The following EIF3L variants were observed in gnomAD, a reference collection of about 807,000 sequenced individuals.
EIF3L encodes eIEF associated protein HSPC021.
A neutral mutation model predicts 74.6 loss-of-function variants in EIF3L; 32 were observed. That is an observed-to-expected ratio of 0.43 (90% CI 0.32 to 0.58). The LOEUF is 0.58. Ranked by LOEUF, EIF3L falls within the 20% of genes least tolerant of loss-of-function variation. The pLI, the probability that EIF3L is intolerant of heterozygous loss-of-function variation, is 0.06. For missense variants in EIF3L, 474 were observed against 707.8 expected, an observed-to-expected ratio of 0.67 and a Z score of 3.75; for synonymous variants, 256 against 254.4, an observed-to-expected ratio of 1.01 and a Z score of -0.06.
intron 7 of EIF3L, 84 bp from the exon 8 acceptor site, chr22:37,870,092 C>G: frequency 4.7e-6 from 6 of 1,267,692 alleles, no homozygotes; most frequent in Non-Finnish European, 6.5e-6. Flanking sequence ...AGAGCCAGAG[C>G]ATTGCCTCGT....
intron 7 of EIF3L, among the ~76,000 whole-genome samples, chr22:37,868,777 G>A (rs1926318007): frequency 6.6e-6 from 1 of 151,362 alleles, no homozygotes; most frequent in Admixed American, 6.6e-5. Context: ...CGAGTAGCTG[G>A]GATTACAGGC....
At position 37,858,131 on chromosome 22, in the gene EIF3L, A is replaced by G. The variant is rs548082428; in HGVS notation, c.374-548A>G. Among the ~76,000 whole-genome samples the G allele has an allele frequency of 4.0e-5, 6 of 151,790 alleles. No homozygotes were observed. The East Asian group carries it at 1.2e-3, about 30-fold the overall frequency. On this transcript the variant is annotated intron_variant, in intron 4 of 12. Coordinates refer to ENST00000652021, the MANE Select transcript of EIF3L (RefSeq NM_016091.4). Reference sequence around the variant, plus strand: ...GTCGAGGCTGCAGTGAGCCATGATCATATCACTGCACTCCAACCTTGGCAA... The same window carrying G: ...GTCGAGGCTGCAGTGAGCCATGATCGTATCACTGCACTCCAACCTTGGCAA...
chr22:37,852,199 C>T (rs1339213449), intron 3 of EIF3L, among the ~76,000 whole-genome samples: 3 of 152,026 alleles, frequency 2.0e-5, no homozygotes, highest in Non-Finnish European at 1.5e-5. Flanking sequence ...TTTTTATTAC[C>T]AGGATAGATC....
intron 3 of EIF3L, among the ~76,000 whole-genome samples, chr22:37,855,143 A>G (rs1925431645): frequency 6.6e-6 from 1 of 152,136 alleles, no homozygotes; most frequent in Non-Finnish European, 1.5e-5. Flanking sequence ...TTTAAATTGG[A>G]TGCTGTAGGT....
chr22:37,878,999 A>G (rs1350584295), intron 11 of EIF3L: 1 of 137,522 alleles, frequency 7.3e-6, no homozygotes, highest in Non-Finnish European at 1.6e-5. Flanking sequence ...GCTAGAGTGC[A>G]GTGGTGCAAT....
intron 8 of EIF3L, 113 bp downstream of exon 8, chr22:37,870,460 T>C (rs1926411016): frequency 9.2e-7 from 1 of 1,086,370 alleles, no homozygotes; most frequent in Non-Finnish European, 1.3e-6. Context: ...TCTTAGGTGG[T>C]GGTCTGTTGA....
chr22:37,863,769 TAA>T (rs1185602032), intron 7 of EIF3L, among the ~76,000 whole-genome samples: 5 of 151,996 alleles, frequency 3.3e-5, no homozygotes, highest in Non-Finnish European at 5.9e-5. Flanking sequence ...TTTTTTTTTT[TAA>T]GAGTCAGGGT....
rs367756277 is a variant in EIF3L, at chr22:37,888,488, C to T, written c.*24C>T. ...GATGATATTCACACACATTCAGGAA[C>T]CTGTTTTGATGTATTATAGGCAGGA... is the stretch of plus-strand genomic sequence containing the variant. On this transcript the variant is annotated 3_prime_UTR_variant, in exon 13 of 13. Transcript: ENST00000652021. 2 of 1,612,510 alleles carry T rather than the reference C, an allele frequency of 1.2e-6. No individual in the cohort carries two copies. The highest frequency in any genetic ancestry group is 8.5e-7 in the Non-Finnish European group (1 of 1,179,540).
At chr22:37,854,528 C>T (rs1361234107) in intron 3 of EIF3L, among the ~76,000 whole-genome samples, 1 of 152,154 alleles carries the variant, frequency 6.6e-6, no homozygotes, top group South Asian at 2.1e-4. Flanking sequence ...AGTGCAATGG[C>T]GCAATCTCAG....
chr22:37,861,376 C>T (rs1925846851), intron 5 of EIF3L, among the ~76,000 whole-genome samples: 1 of 152,086 alleles, frequency 6.6e-6, no homozygotes, highest in Non-Finnish European at 1.5e-5. Flanking sequence ...TCTCTGACTA[C>T]TTTATCTGAT....
At chr22:37,866,305 C>A (rs1380179670) in intron 7 of EIF3L, among the ~76,000 whole-genome samples, 2 of 152,150 alleles carry the variant, frequency 1.3e-5, no homozygotes, top group African/African-American at 2.4e-5. Flanking sequence ...TATGGATATA[C>A]CATGCCTCTG....
chr22:37,874,214 C>T (rs565538287), intron 8 of EIF3L, among the ~76,000 whole-genome samples, 156 bp from the exon 9 acceptor site: 2 of 152,240 alleles, frequency 1.3e-5, no homozygotes, highest in South Asian at 2.1e-4. Flanking sequence ...ATTGGTTTTG[C>T]TGTTTCTTGG....
chr22:37,877,813 C>T lies in EIF3L; in HGVS notation c.1217C>T (p.Pro406Leu). ...ATGTTGCGCATGCAGAAAGGTGACC[C>T]ACAAGTCTATGAAGAACTTTTCAGT... ...DKMLRMQKGD[P>L]QVYEELFSYS... Residue 406 changes from proline (P) to leucine (L), a missense_variant, in exon 11 of 13, where the codon CCA (proline) becomes CTA (leucine). Transcript: ENST00000652021. The T allele has an allele frequency of 3.7e-6, 6 of 1,613,880 alleles. No homozygotes were observed. The highest frequency in any genetic ancestry group is 4.2e-6 in the Non-Finnish European group (5 of 1,179,862).
rs755112896 is a variant in EIF3L, at chr22:37,862,934, T to C, written c.436-35T>C. On this transcript the variant is annotated intron_variant, in intron 5 of 12. Coordinates refer to ENST00000652021, the MANE Select transcript of EIF3L (RefSeq NM_016091.4). ...ATGGGTAAAACACATTAAAATTAAATATCTGTATCTTGATATCTCTTGTTT... is the reference window on the plus strand; with the variant it reads ...ATGGGTAAAACACATTAAAATTAAACATCTGTATCTTGATATCTCTTGTTT... 2.1e-5 allele frequency: 32 copies of C among 1,510,936 alleles called. 1 individual carries two copies. The African/African-American group carries it at 2.9e-4, about 14-fold the overall frequency. 93.6% of individuals were successfully genotyped at this position (1,510,936 alleles called of 1,614,324 possible). A position where few individuals can be genotyped will look rare whatever the true frequency, so the allele number is the denominator to read the frequency against.
intron 3 of EIF3L, among the ~76,000 whole-genome samples, chr22:37,854,465 GTTTTTGT>G (rs930338636): frequency 6.6e-5 from 10 of 152,178 alleles, no homozygotes; most frequent in East Asian, 1.9e-4. Flanking sequence ...TGTTTTTTCT[GTTTTTGT>G]TTTTTGTTTT....
chr22:37,862,896 G>T, intron 5 of EIF3L, 73 bp from the exon 6 acceptor site: 1 of 1,099,602 alleles, frequency 9.1e-7, no homozygotes. Context: ...GTTCACAGCT[G>T]TCACAGTATA....
At position 37,886,795 on chromosome 22, in the gene EIF3L, G is replaced by T. The variant is rs765907943; in HGVS notation, c.1606G>T (p.Ala536Ser). Reference protein sequence around the residue: ...DMIHIADTKVARRYGDFFIRQ... With the variant: ...DMIHIADTKVSRRYGDFFIRQ... ...GATCCACATCGCGGACACCAAGGTC[G>T]CCAGGCGTTATGGGGATTTCTTCAT... Residue 536 changes from alanine to serine, a missense_variant, in exon 12 of 13, where the codon GCC (alanine) becomes TCC (serine). By Grantham distance (99) the Ala-to-Ser change is moderately conservative. Coordinates refer to ENST00000652021, the MANE Select transcript of EIF3L (RefSeq NM_016091.4). The T allele has an allele frequency of 3.1e-6, 5 of 1,611,106 alleles. No individual in the cohort carries two copies. The highest frequency in any genetic ancestry group is 1.1e-5 in the South Asian group (1 of 91,032).
intron 9 of EIF3L, 66 bp from the exon 10 acceptor site, chr22:37,875,775 T>G (rs942528008): frequency 3.3e-6 from 5 of 1,507,560 alleles, no homozygotes; most frequent in Non-Finnish European, 4.5e-6. Flanking sequence ...CTCTTGGTGT[T>G]TCTACCTCTG....
Position 37,878,176 on chromosome 22 carries a change from G to T in EIF3L, c.1575+5G>T. Reference sequence around the variant, plus strand: ...GTTGACTTCTACATTGATAAGGTATGCCTGTCCCCTGGGCTTGGGGTCTTG... The same window carrying T: ...GTTGACTTCTACATTGATAAGGTATTCCTGTCCCCTGGGCTTGGGGTCTTG... On this transcript the variant is annotated splice_donor_5th_base_variant and intron_variant, in intron 11 of 12. Transcript: ENST00000652021. The T allele has an allele frequency of 1.9e-6, 3 of 1,592,736 alleles. No homozygotes were observed. Among genetic ancestry groups the T allele is most frequent in the Non-Finnish European group, 2.6e-6 (3 of 1,167,768 alleles).
Sources: gnomAD v4.1 joint callset for allele counts (sites outside exome capture counted in the v4.1 genomes callset) on GRCh38, gnomAD v4.1.1 for gene constraint, MANE v1.5 for transcripts, NCBI Gene and HGNC (gene_info 2026-07-23, HGNC 2026-07-21) for gene names.